Variants in ZNF385B observed in about 807,000 individuals in gnomAD.
ZNF385B encodes zinc finger protein 533.
A neutral mutation model predicts 39.2 loss-of-function variants in ZNF385B; 23 were observed. That is an observed-to-expected ratio of 0.59 (90% CI 0.42 to 0.83). The LOEUF is 0.83. Among genes scored for constraint, ZNF385B ranks in the 40% least tolerant of loss-of-function variants. The pLI, the probability that ZNF385B is intolerant of heterozygous loss-of-function variation, is 0.00. For missense variants in ZNF385B, 552 were observed against 598.9 expected (o/e 0.92, Z 0.82); for synonymous variants, 205 against 222.6 (o/e 0.92, Z 0.70).
At chr2:179,543,463 G>C (rs894492705) in intron 4 of ZNF385B, among the ~76,000 whole-genome samples, 1 of 152,124 alleles carries the variant, frequency 6.6e-6, no homozygotes, top group African/African-American at 2.4e-5. Flanking sequence ...GTTCTATGAA[G>C]TATAGCTTAA....
chr2:179,828,980 C>T (rs1338738501), intron 1 of ZNF385B, among the ~76,000 whole-genome samples: 1 of 151,406 alleles, frequency 6.6e-6, no homozygotes, highest in African/African-American at 2.4e-5. Context: ...AAGCCAGGTT[C>T]ATTTTAACAA....
intron 3 of ZNF385B, among the ~76,000 whole-genome samples, chr2:179,600,008 A>G (rs537134628): frequency 1.3e-5 from 2 of 152,304 alleles, no homozygotes; most frequent in Admixed American, 6.5e-5. Context: ...TGCCATTATG[A>G]CTATGTGGAA....
chr2:179,758,108 A>G (rs1559167520), intron 3 of ZNF385B, among the ~76,000 whole-genome samples: 3 of 152,126 alleles, frequency 2.0e-5, no homozygotes, highest in South Asian at 4.2e-4. Flanking sequence ...TGCTAGTTTA[A>G]AATTTCTAAG....
rs1007598266 is a variant in ZNF385B at position 179,841,052 on chromosome 2, A to G, written c.-155+20049T>C. On this transcript the variant is annotated intron_variant, in intron 1 of 9. Transcript: ENST00000410066. ...TTGTAAAATGCTGACATGGACAAAT[A>G]AAGGTTTTTCTCTGCATTTCTGCAA... 2.0e-5 allele frequency among the ~76,000 whole-genome samples: 3 copies of G among 152,248 alleles called. No individual in the cohort carries two copies. In the East Asian group the frequency reaches 5.8e-4, roughly 29 times the overall value.
chr2:179,480,089 G>A (rs2053836273), intron 6 of ZNF385B, among the ~76,000 whole-genome samples: 1 of 152,202 alleles, frequency 6.6e-6, no homozygotes, highest in Non-Finnish European at 1.5e-5. Context: ...TGCCTGCATA[G>A]TTGAAATCTG....
chr2:179,597,520 G>A (rs1245694983), intron 3 of ZNF385B, among the ~76,000 whole-genome samples: 1 of 152,168 alleles, frequency 6.6e-6, no homozygotes, highest in Non-Finnish European at 1.5e-5. Context: ...TTCACAGTCA[G>A]TAGCTTTACT....
intron 3 of ZNF385B, among the ~76,000 whole-genome samples, chr2:179,681,730 G>T (rs1169632078): frequency 6.6e-6 from 1 of 152,202 alleles, no homozygotes; most frequent in Non-Finnish European, 1.5e-5. Context: ...AACTGATCAT[G>T]TGTTGGCAGT....
rs574482362 is a variant in ZNF385B at position 179,705,904 on chromosome 2, A to G, written c.298+63599T>C. Among the ~76,000 whole-genome samples, 3 of 152,320 alleles carry G rather than the reference A, an allele frequency of 2.0e-5. No individual in the cohort carries two copies. In the East Asian group the frequency reaches 5.8e-4, roughly 29 times the overall value. ...TTGGCACACAGGCTATAGTTTGGTG[A>G]CCACTGAAACAGATCATGTTCTTCC... On this transcript the variant is annotated intron_variant, in intron 3 of 9. Transcript: ENST00000410066.
At chr2:179,619,536 G>T (rs945256575) in intron 3 of ZNF385B, among the ~76,000 whole-genome samples, 4 of 152,090 alleles carry the variant, frequency 2.6e-5, no homozygotes, top group African/African-American at 4.8e-5. Context: ...AACCTCTAGG[G>T]TTCCACACAG....
At chr2:179,847,923 C>T (rs1708881231) in intron 1 of ZNF385B, among the ~76,000 whole-genome samples, 1 of 151,702 alleles carries the variant, frequency 6.6e-6, no homozygotes, top group South Asian at 2.1e-4. Flanking sequence ...ACAAAGAAGC[C>T]TATAACTAGA....
At chr2:179,621,006 G>C (rs1201031274) in intron 3 of ZNF385B, among the ~76,000 whole-genome samples, 1 of 152,118 alleles carries the variant, frequency 6.6e-6, no homozygotes, top group Non-Finnish European at 1.5e-5. Flanking sequence ...TAGTTAGTGT[G>C]TTTGCTGAAT....
intron 3 of ZNF385B, among the ~76,000 whole-genome samples, chr2:179,571,527 C>T (rs1453664905): frequency 6.6e-6 from 1 of 152,192 alleles, no homozygotes; most frequent in African/African-American, 2.4e-5. Flanking sequence ...ACTCATATCC[C>T]TGTTTTGGCT....
At chr2:179,662,134 A>AAGT (rs1488422537) in intron 3 of ZNF385B, among the ~76,000 whole-genome samples, 1 of 152,224 alleles carries the variant, frequency 6.6e-6, no homozygotes, top group African/African-American at 2.4e-5. Context: ...TTGTCTTGCA[A>AAGT]AGTAGCAATC....
intron 3 of ZNF385B, among the ~76,000 whole-genome samples, chr2:179,760,038 C>T (rs922477618): frequency 2.1e-5 from 3 of 140,762 alleles, no homozygotes; most frequent in African/African-American, 8.0e-5. Flanking sequence ...CCAGCTTCTA[C>T]CCATAGTAAA....
chr2:179,694,956 A>AGAGGAG (rs71994313), intron 3 of ZNF385B, among the ~76,000 whole-genome samples: 6,034 of 148,608 alleles, frequency 0.041, 156 homozygotes, highest in African/African-American at 0.067. Flanking sequence ...AAAAGAAAGA[A>AGAGGAG]GAGGAGGAGG....
intron 3 of ZNF385B, among the ~76,000 whole-genome samples, chr2:179,561,492 C>G (rs548311953): frequency 2.0e-5 from 3 of 152,148 alleles, no homozygotes; most frequent in African/African-American, 7.2e-5. Flanking sequence ...AGTCAATGCT[C>G]TTTCAATATT....
At chr2:179,522,191 T>A (rs949186815) in intron 4 of ZNF385B, among the ~76,000 whole-genome samples, 1 of 152,188 alleles carries the variant, frequency 6.6e-6, no homozygotes, top group Non-Finnish European at 1.5e-5. Context: ...TTCAATGGGA[T>A]CCAAATGTGA....
chr2:179,625,945 C>A (rs1007936874), intron 3 of ZNF385B, among the ~76,000 whole-genome samples: 20 of 151,928 alleles, frequency 1.3e-4, no homozygotes, highest in African/African-American at 4.8e-4. Context: ...CAGTACCCTG[C>A]CCACTTCTAA....
intron 3 of ZNF385B, among the ~76,000 whole-genome samples, chr2:179,596,430 T>C (rs995432433): frequency 1.3e-5 from 2 of 152,194 alleles, no homozygotes; most frequent in African/African-American, 2.4e-5. Context: ...TTTCTGCTGA[T>C]ATAATTTTCT....
Sources: allele counts gnomAD v4.1 joint callset (sites outside exome capture counted in the v4.1 genomes callset), GRCh38; gene constraint gnomAD v4.1.1; transcripts MANE v1.5; gene names NCBI Gene and HGNC (gene_info 2026-07-23, HGNC 2026-07-21).